Variants in MBD5 observed in about 807,000 individuals in gnomAD.
MBD5 encodes the protein methyl-CpG binding domain protein 5, also known as methyl-CpG-binding domain protein 5.
In MBD5, 13 loss-of-function variants were observed where a neutral mutation model predicts 117.3. The ratio of observed to expected loss-of-function variants is 0.11; its 90% CI spans 0.07 to 0.18. The LOEUF (loss-of-function observed/expected upper bound fraction) is 0.18, where lower values mean the gene tolerates loss of function less well. Among genes scored for constraint, MBD5 ranks in the 10% least tolerant of loss-of-function variants. The probability of loss-of-function intolerance (pLI) is 1.00; values close to 1 mark genes in which losing one functional copy is unlikely to be tolerated. For missense variants in MBD5, 1,879 were observed against 2,093.8 expected (o/e 0.90, Z 2.00); for synonymous variants, 727 against 766.4 (o/e 0.95, Z 0.85).
intron 8 of MBD5, among the ~76,000 whole-genome samples, chr2:148,476,944 C>G (rs1003092905): frequency 6.6e-6 from 1 of 152,122 alleles, no homozygotes; most frequent in Non-Finnish European, 1.5e-5. Flanking sequence ...GAGACTTATA[C>G]TCTTTTCTCT....
chr2:148,371,690 T>C (rs1320415527), intron 4 of MBD5, among the ~76,000 whole-genome samples: 2 of 152,246 alleles, frequency 1.3e-5, no homozygotes, highest in East Asian at 3.9e-4. Flanking sequence ...CATCAGGCAG[T>C]TTTCATCATT....
chr2:148,168,413 C>T (rs547813386), intron 1 of MBD5, among the ~76,000 whole-genome samples: 10 of 152,096 alleles, frequency 6.6e-5, no homozygotes, highest in South Asian at 2.1e-4. Flanking sequence ...AGGCAATTCC[C>T]GTTGGTAGTC....
intron 1 of MBD5, among the ~76,000 whole-genome samples, chr2:148,135,371 T>C (rs1697147100): frequency 6.6e-6 from 1 of 152,212 alleles, no homozygotes; most frequent in Non-Finnish European, 1.5e-5. Context: ...TTGCTGCATA[T>C]TTTCAGCTGT....
chr2:148,314,046 G>A (rs1162906827), intron 3 of MBD5, among the ~76,000 whole-genome samples: 1 of 151,888 alleles, frequency 6.6e-6, no homozygotes, highest in African/African-American at 2.4e-5. Context: ...CTTCTGCATT[G>A]TTCTCGCTGG....
chr2:148,048,348 C>T (rs570318378), intron 1 of MBD5, among the ~76,000 whole-genome samples: 2 of 152,164 alleles, frequency 1.3e-5, no homozygotes, highest in African/African-American at 4.8e-5. Flanking sequence ...TAAATGCTTA[C>T]TACTTATTAG....
chr2:148,394,943 C>T (rs1272559348), intron 4 of MBD5, among the ~76,000 whole-genome samples: 1 of 152,166 alleles, frequency 6.6e-6, no homozygotes, highest in African/African-American at 2.4e-5. Flanking sequence ...CTGTTTGAGG[C>T]CAACCATTTC....
chr2:148,223,522 C>G (rs978224777), intron 2 of MBD5, among the ~76,000 whole-genome samples: 1 of 152,044 alleles, frequency 6.6e-6, no homozygotes, highest in African/African-American at 2.4e-5. Context: ...TCCATTTCTT[C>G]TAGATTTTCC....
At chr2:148,368,635 C>G (rs1415029922) in intron 4 of MBD5, among the ~76,000 whole-genome samples, 1 of 151,900 alleles carries the variant, frequency 6.6e-6, no homozygotes, top group Non-Finnish European at 1.5e-5. Context: ...GTCCCAGCAG[C>G]CAAATGTGGG....
rs79073993 is a variant in MBD5 at position 148,052,726 on chromosome 2, A to T, written c.-925+31042A>T. On this transcript the variant is annotated intron_variant, in intron 1 of 13. Coordinates refer to ENST00000642680, the MANE Select transcript of MBD5 (RefSeq NM_001378120.1). Reference sequence around the variant, plus strand: ...GAATTTTCCAAATTTCCTTCTATTAAATTCTCATTTCATTCCATACAGTCT... The same window carrying T: ...GAATTTTCCAAATTTCCTTCTATTATATTCTCATTTCATTCCATACAGTCT... Among the ~76,000 whole-genome samples the T allele has an allele frequency of 5.8e-3, 875 of 152,148 alleles. 5 individuals carry two copies. Among genetic ancestry groups the T allele is most frequent in the Non-Finnish European group, 9.5e-3 (649 of 67,998 alleles).
At chr2:148,356,002 G>C (rs1455294906) in intron 4 of MBD5, among the ~76,000 whole-genome samples, 1 of 152,128 alleles carries the variant, frequency 6.6e-6, no homozygotes, top group Non-Finnish European at 1.5e-5. Flanking sequence ...CTCTTGAGCA[G>C]TGGTTTGTAG....
chr2:148,290,068 G>A (rs1701465840), intron 3 of MBD5, among the ~76,000 whole-genome samples: 1 of 147,050 alleles, frequency 6.8e-6, no homozygotes, highest in Admixed American at 6.9e-5. Flanking sequence ...CAATTATCCT[G>A]CCTCAGCCTC....
In MBD5 at chr2:148,105,968, CTT is replaced by C. The variant is rs1238537746; in HGVS notation, c.-924-72731_-924-72730del. ...TTATATTTTTGTTAATAAATTCTAACTTAATCTCATTATTATTAGAAAATATG... is the reference window on the plus strand; with the variant it reads ...TTATATTTTTGTTAATAAATTCTAACAATCTCATTATTATTAGAAAATATG... On this transcript the variant is annotated intron_variant, in intron 1 of 13. Coordinates refer to ENST00000642680, the MANE Select transcript of MBD5 (RefSeq NM_001378120.1). Among the ~76,000 whole-genome samples, 7 of 152,128 alleles carry C rather than the reference CTT, an allele frequency of 4.6e-5. No homozygotes were observed. The East Asian group carries it at 5.8e-4, about 13-fold the overall frequency.
chr2:148,409,383 T>A (rs1188868427), intron 4 of MBD5, among the ~76,000 whole-genome samples: 1 of 138,264 alleles, frequency 7.2e-6, no homozygotes, highest in Non-Finnish European at 1.5e-5. Context: ...CAAGGCCCTG[T>A]CTCAAAAAAA....
chr2:148,497,994 A>T (rs536892865), intron 11 of MBD5, among the ~76,000 whole-genome samples: 1 of 152,282 alleles, frequency 6.6e-6, no homozygotes, highest in African/African-American at 2.4e-5. Flanking sequence ...AGCTCAGAGA[A>T]GTGGCATCCC....
intron 1 of MBD5, among the ~76,000 whole-genome samples, chr2:148,080,815 G>C (rs1263421903): frequency 6.6e-6 from 1 of 152,092 alleles, no homozygotes; most frequent in Non-Finnish European, 1.5e-5. Context: ...CATTTAAAAA[G>C]TATTAGAAGC....
chr2:148,407,287 T>G (rs1705109743), intron 4 of MBD5, among the ~76,000 whole-genome samples: 1 of 152,116 alleles, frequency 6.6e-6, no homozygotes, highest in South Asian at 2.1e-4. Context: ...CCACTTGTAT[T>G]TTGTAAGACT....
At chr2:148,301,884 G>C (rs575621195) in intron 3 of MBD5, among the ~76,000 whole-genome samples, 2 of 152,154 alleles carry the variant, frequency 1.3e-5, no homozygotes, top group Non-Finnish European at 2.9e-5. Context: ...TTATCAGAAA[G>C]CTGCTGATCA....
At chr2:148,075,928 TA>T (rs1221761949) in intron 1 of MBD5, among the ~76,000 whole-genome samples, 1 of 152,140 alleles carries the variant, frequency 6.6e-6, no homozygotes, top group Non-Finnish European at 1.5e-5. Flanking sequence ...AGTGCCCACA[TA>T]AATGTATTAA....
chr2:148,127,659 T>A (rs1696936222), intron 1 of MBD5, among the ~76,000 whole-genome samples: 1 of 152,230 alleles, frequency 6.6e-6, no homozygotes, highest in Non-Finnish European at 1.5e-5. Flanking sequence ...TGATTCCATG[T>A]CTTTGCTATT....
Sources: allele counts gnomAD v4.1 joint callset (sites outside exome capture counted in the v4.1 genomes callset), GRCh38; gene constraint gnomAD v4.1.1; transcripts MANE v1.5; gene names NCBI Gene and HGNC (gene_info 2026-07-23, HGNC 2026-07-21).